USP7: variants seen among roughly 807,000 people sequenced by gnomAD.
USP7 encodes the protein ubiquitin C-terminal hydrolase 7.
A neutral mutation model predicts 162.9 loss-of-function variants in USP7; 9 were observed. The ratio of observed to expected loss-of-function variants is 0.06; its 90% CI spans 0.03 to 0.10. The LOEUF is 0.10. USP7 is among the 10% of genes least tolerant of loss of function. USP7 has a pLI of 1.00. For missense variants in USP7, 715 were observed against 1,373.7 expected (o/e 0.52, Z 7.58); for synonymous variants, 562 against 475.9 (o/e 1.18, Z -2.35).
rs36002655 is a variant in USP7, at chr16:8,944,232, C to CAA, written c.80-13837_80-13836dup. Among the ~76,000 whole-genome samples the CAA allele has an allele frequency of 4.9e-3, 727 of 147,138 alleles. 4 individuals are homozygous for CAA. The highest frequency in any genetic ancestry group is 0.01 in the Middle Eastern group (3 of 286). The stretch of plus-strand genomic sequence containing the variant: ...AAAAATACGCAGAGCAACAGAGGTG[C>CAA]AAAAAAAAAAAAGCACAGCCAAAAT... On this transcript the variant is annotated intron_variant, in intron 1 of 30. Coordinates refer to ENST00000344836, the MANE Select transcript of USP7 (RefSeq NM_003470.3).
intron 10 of USP7, among the ~76,000 whole-genome samples, chr16:8,913,624 ACTCAT>A (rs1342587847): frequency 6.6e-6 from 1 of 151,782 alleles, no homozygotes; most frequent in African/African-American, 2.4e-5. Context: ...AGGTGAAAAA[ACTCAT>A]CTCAGCCGAC....
chr16:8,918,918 G>C, intron 6 of USP7, 113 bp downstream of exon 6: 1 of 1,015,194 alleles, frequency 9.9e-7, no homozygotes, highest in Non-Finnish European at 1.5e-6. Flanking sequence ...AGCCATCTGA[G>C]GAGACAGGGC....
At position 8,901,012 on chromosome 16, in the gene USP7, T is replaced by A. The variant is rs967952352; in HGVS notation, c.2186A>T (p.Asp729Val). 1 of 1,613,996 alleles carries A rather than the reference T, an allele frequency of 6.2e-7. No individual in the cohort carries two copies. Among genetic ancestry groups the A allele is most frequent in the Non-Finnish European group, 8.5e-7 (1 of 1,180,024 alleles). The change falls in exon 20 of 31, where the codon GAT becomes GTT. Residue 729 changes from aspartate to valine, a missense_variant. By Grantham distance (152) the Asp-to-Val change is radical (BLOSUM62 -3). Coordinates refer to ENST00000344836, the MANE Select transcript of USP7 (RefSeq NM_003470.3). ...VMCDRAGFIQ[D>V]TSLILYEEVK... Reference sequence around the variant, plus strand: ...AACCTCATAGAGGATAAGGCTAGTATCTTGAATAAATCCTGCTCTGTCACA... The same window carrying A: ...AACCTCATAGAGGATAAGGCTAGTAACTTGAATAAATCCTGCTCTGTCACA...
rs1425324394 is a variant in USP7 at position 8,926,640 on chromosome 16, T to TC, written c.185-3228dup. On this transcript the variant is annotated intron_variant, in intron 2 of 30. Coordinates refer to ENST00000344836, the MANE Select transcript of USP7 (RefSeq NM_003470.3). ...AGAAAATAGTTAACAGTACACTGGA[T>TC]CCTATGTATTATTTTTTTGCAACTT... Among the ~76,000 whole-genome samples, 6 of 152,190 alleles carry TC rather than the reference T, an allele frequency of 3.9e-5. No individual in the cohort carries two copies. The East Asian group carries it at 1.2e-3, about 29-fold the overall frequency.
intron 3 of USP7, 47 bp from the exon 4 acceptor site, chr16:8,921,342 T>C (rs1490672772): frequency 7.5e-6 from 12 of 1,593,798 alleles, no homozygotes; most frequent in East Asian, 4.5e-5. Flanking sequence ...ATTTACCAGA[T>C]GTTATACATT....
Position 8,894,910 on chromosome 16 carries a change from C to G in USP7, c.3040-55G>C, listed in dbSNP as rs1206908785. 1.9e-6 allele frequency: 3 copies of G among 1,613,862 alleles called. No homozygotes were observed. In the East Asian group the frequency reaches 6.7e-5, roughly 36 times the overall value. On this transcript the variant is annotated intron_variant, in intron 28 of 30. Coordinates refer to ENST00000344836, the MANE Select transcript of USP7 (RefSeq NM_003470.3). ...AGTCACTCCCAGCACCCCCAGGCCA[C>G]GTCACGTGGCAGCCGCCAAAACCAA...
At chr16:8,913,665 A>G (rs1009914837) in intron 10 of USP7, among the ~76,000 whole-genome samples, 2 of 152,094 alleles carry the variant, frequency 1.3e-5, no homozygotes, top group South Asian at 2.1e-4. Context: ...CCTAACGAGA[A>G]TCCATATCCA....
chr16:8,901,909 C>A (rs748305290), intron 18 of USP7, 173 bp downstream of exon 18: 1 of 627,198 alleles, frequency 1.6e-6, no homozygotes, highest in Non-Finnish European at 2.7e-6. Flanking sequence ...ACAGGAAACT[C>A]GCAGCCAAGT....
At chr16:8,914,528 T>C (rs1019944527) in intron 10 of USP7, among the ~76,000 whole-genome samples, 2 of 152,166 alleles carry the variant, frequency 1.3e-5, no homozygotes, top group African/African-American at 4.8e-5. Context: ...AAAATTTTTG[T>C]GGTATATTCT....
chr16:8,901,334 A>C (rs2061771377), intron 18 of USP7, 100 bp from the exon 19 acceptor site: 7 of 756,864 alleles, frequency 9.2e-6, no homozygotes, highest in East Asian at 2.6e-5. Flanking sequence ...AAAAAAAAAC[A>C]GTAAGCTGAA....
intron 1 of USP7, among the ~76,000 whole-genome samples, chr16:8,942,265 C>G (rs532553821): frequency 1.3e-5 from 2 of 152,212 alleles, no homozygotes; most frequent in African/African-American, 2.4e-5. Flanking sequence ...CTGGGACACT[C>G]GGAGTGACTG....
intron 22 of USP7, 54 bp from the exon 23 acceptor site, chr16:8,899,242 T>C (rs2061737563): frequency 1.9e-6 from 3 of 1,572,050 alleles, no homozygotes; most frequent in Admixed American, 1.7e-5. Flanking sequence ...AACTTGGTCA[T>C]AAACTTCATG....
chr16:8,926,710 A>T (rs143380484), intron 2 of USP7, among the ~76,000 whole-genome samples: 2,076 of 152,264 alleles, frequency 0.014, 159 homozygotes, highest in Admixed American at 0.12. Context: ...TTCACTGCAA[A>T]ATTAGCACTT....
rs898184491 is a variant in USP7 at position 8,893,928 on chromosome 16, G to C, written c.*70C>G. ...TGAAGACTTCGGCTAGAGGGCACGT[G>C]CACCAAAGTTCTAGGCTGTTAAGGG... On this transcript the variant is annotated 3_prime_UTR_variant, in exon 31 of 31. Transcript: ENST00000344836. 2 of 1,370,792 alleles carry C rather than the reference G, an allele frequency of 1.5e-6. No homozygotes were observed. The highest frequency in any genetic ancestry group is 2.9e-5 in the African/African-American group (2 of 69,958). 84.9% of individuals were successfully genotyped at this position (1,370,792 alleles called of 1,614,324 possible). A position where few individuals can be genotyped will look rare whatever the true frequency, so the allele number is the denominator to read the frequency against.
At chr16:8,899,395 C>G (rs956325838) in intron 22 of USP7, 1 of 785,008 alleles carries the variant, frequency 1.3e-6, no homozygotes, top group Non-Finnish European at 2.0e-6. Flanking sequence ...AGGGTTTTCA[C>G]TTTTAATGGT....
intron 1 of USP7, among the ~76,000 whole-genome samples, chr16:8,950,400 AAG>A (rs1899497483): frequency 6.6e-6 from 1 of 152,240 alleles, no homozygotes; most frequent in Non-Finnish European, 1.5e-5. Context: ...TTCATCAAAA[AAG>A]AATTACATTT....
chr16:8,900,955 AAT>A (rs1462527480), intron 20 of USP7, 33 bp downstream of exon 20: 5 of 1,604,818 alleles, frequency 3.1e-6, no homozygotes, highest in Non-Finnish European at 4.3e-6. Flanking sequence ...AACTACTAAG[AAT>A]ATACTAATTA....
chr16:8,929,351 T>C (rs954070730), intron 2 of USP7: 30 of 396,904 alleles, frequency 7.6e-5, no homozygotes, highest in Admixed American at 1.1e-4. Flanking sequence ...GCAGCGGGTT[T>C]AGACCACGCC....
intron 11 of USP7, among the ~76,000 whole-genome samples, chr16:8,909,971 A>C (rs2061919033): frequency 6.6e-6 from 1 of 152,194 alleles, no homozygotes; most frequent in African/African-American, 2.4e-5. Flanking sequence ...CCCTCAGTCC[A>C]ACTGGACTGA....
Sources: gnomAD v4.1 joint callset for allele counts (sites outside exome capture counted in the v4.1 genomes callset) on GRCh38, gnomAD v4.1.1 for gene constraint, MANE v1.5 for transcripts, NCBI Gene and HGNC (gene_info 2026-07-23, HGNC 2026-07-21) for gene names.